Variants in CA13 observed in about 807,000 individuals in gnomAD.
The protein encoded by CA13 is CA-XIII.
A neutral mutation model predicts 31.5 loss-of-function variants in CA13; 21 were observed. The observed-to-expected ratio is 0.67, with a 90% confidence interval of 0.47 to 0.96. The LOEUF is 0.96. CA13 is among the 40% of genes least tolerant of loss of function. The pLI, the probability that CA13 is intolerant of heterozygous loss-of-function variation, is 0.00. For synonymous variants in CA13, 117 were observed against 111.4 expected (o/e 1.05, Z -0.32); for missense variants, 315 against 318.9 (o/e 0.99, Z 0.09).
At chr8:85,275,463 A>G (rs942786619) in intron 6 of CA13, among the ~76,000 whole-genome samples, 4 of 152,156 alleles carry the variant, frequency 2.6e-5, no homozygotes, top group African/African-American at 9.7e-5. Context: ...ATACCTGGCA[A>G]TTGGACACAT....
intron 6 of CA13, among the ~76,000 whole-genome samples, chr8:85,270,774 A>G (rs1807517471): frequency 6.6e-6 from 1 of 152,212 alleles, no homozygotes; most frequent in Non-Finnish European, 1.5e-5. Context: ...TTGGAAGAGA[A>G]TATATCAAAA....
At chr8:85,251,000 TC>T (rs1813817833) in intron 2 of CA13, 63 bp downstream of exon 2, 19 of 830,852 alleles carry the variant, frequency 2.3e-5, no homozygotes, top group South Asian at 3.4e-5. Context: ...TAGACTATAC[TC>T]TTTTTTTTTT....
At chr8:85,267,779 C>T (rs1404021994) in intron 4 of CA13, 123 bp from the exon 5 acceptor site, 1 of 540,304 alleles carries the variant, frequency 1.9e-6, no homozygotes, top group Non-Finnish European at 3.3e-6. Flanking sequence ...GTAGAACAAT[C>T]ACTGTATGTT....
At chr8:85,276,879 C>T (rs1228735339) in intron 6 of CA13, among the ~76,000 whole-genome samples, 1 of 151,820 alleles carries the variant, frequency 6.6e-6, no homozygotes, top group Non-Finnish European at 1.5e-5. Flanking sequence ...AATCGGCACT[C>T]TTTATCTAGC....
chr8:85,249,918 T>C, intron 1 of CA13: 2 of 391,946 alleles, frequency 5.1e-6, no homozygotes, highest in South Asian at 3.7e-5. Context: ...TGTTAGCTGA[T>C]TGGCTCGTTT....
rs556049228 is a variant in CA13 at position 85,258,823 on chromosome 8, G to C, written c.236-598G>C. Among the ~76,000 whole-genome samples, 6 of 140,370 alleles carry C rather than the reference G, an allele frequency of 4.3e-5. No individual in the cohort carries two copies. In the East Asian group the frequency reaches 1.0e-3, roughly 24 times the overall value. The allele number at this position is 140,370 out of a possible 152,430, so 92.1% of individuals were successfully genotyped here. ...GTAGTGGTGCATACCTGTAGTTCTA[G>C]CTACTTGGGAGGCTAAAGTGGGAGG... On this transcript the variant is annotated intron_variant, in intron 2 of 6. Coordinates refer to ENST00000321764, the MANE Select transcript of CA13 (RefSeq NM_198584.3).
intron 6 of CA13, among the ~76,000 whole-genome samples, chr8:85,270,640 A>G (rs765811965): frequency 9.2e-5 from 14 of 152,204 alleles, no homozygotes; most frequent in Non-Finnish European, 1.3e-4. Context: ...AAACTATAAC[A>G]TCAAGGTAGT....
At chr8:85,270,184 A>T (rs1477870376) in intron 6 of CA13, among the ~76,000 whole-genome samples, 1 of 152,174 alleles carries the variant, frequency 6.6e-6, no homozygotes, top group Non-Finnish European at 1.5e-5. Context: ...TAGCAAGAAC[A>T]CAGTCTAGTA....
chr8:85,247,410 T>C (rs1312701963), intron 1 of CA13, among the ~76,000 whole-genome samples: 1 of 152,228 alleles, frequency 6.6e-6, no homozygotes, highest in East Asian at 1.9e-4. Flanking sequence ...TGATTTTGTA[T>C]TTCTGTTAGG....
In CA13 at chr8:85,268,463, A is replaced by T. The variant is rs201141509; in HGVS notation, c.514-9A>T. 6 of 1,613,704 alleles carry T rather than the reference A, an allele frequency of 3.7e-6. No homozygotes were observed. The highest frequency in any genetic ancestry group is 5.1e-6 in the Non-Finnish European group (6 of 1,179,770). On this transcript the variant is annotated splice_polypyrimidine_tract_variant and intron_variant, in intron 5 of 6. Coordinates refer to ENST00000321764, the MANE Select transcript of CA13 (RefSeq NM_198584.3). The stretch of plus-strand genomic sequence containing the variant: ...TTGTAATTTGTGGGAATTCTTTTTG[A>T]TCCTCCAGGGTAAACAAACTCGATT...
chr8:85,263,221 T>C (rs1188567094), intron 3 of CA13, among the ~76,000 whole-genome samples: 1 of 152,094 alleles, frequency 6.6e-6, no homozygotes, highest in African/African-American at 2.4e-5. Context: ...AAGGAAAAGT[T>C]ATGTGCTCTG....
chr8:85,280,363 A>G (rs1807683169), intron 6 of CA13, among the ~76,000 whole-genome samples: 1 of 152,234 alleles, frequency 6.6e-6, no homozygotes, highest in Non-Finnish European at 1.5e-5. Flanking sequence ...CTATTGCCAT[A>G]GAGCATGGTT....
intron 3 of CA13, among the ~76,000 whole-genome samples, chr8:85,264,624 G>GAT (rs902568747): frequency 2.0e-5 from 3 of 151,896 alleles, no homozygotes; most frequent in African/African-American, 4.8e-5. Flanking sequence ...TTATATATAG[G>GAT]ATATATATAT....
chr8:85,275,213 C>T (rs1807585341), intron 6 of CA13, among the ~76,000 whole-genome samples: 1 of 152,102 alleles, frequency 6.6e-6, no homozygotes, highest in Non-Finnish European at 1.5e-5. Context: ...TAATTTTGGC[C>T]ACCCCTCTGC....
intron 6 of CA13, among the ~76,000 whole-genome samples, chr8:85,277,796 T>C (rs2130012558): frequency 6.6e-6 from 1 of 152,180 alleles, no homozygotes; most frequent in South Asian, 2.1e-4. Flanking sequence ...ACAGGAAGTG[T>C]CCCAGTCTGA....
At chr8:85,264,770 T>C (rs1189409338) in intron 3 of CA13, among the ~76,000 whole-genome samples, 1 of 152,222 alleles carries the variant, frequency 6.6e-6, no homozygotes, top group Non-Finnish European at 1.5e-5. Context: ...ACAGAGCCAC[T>C]TAAAACAATT....
chr8:85,248,718 CTTTTA>C (rs1813774104), intron 1 of CA13, among the ~76,000 whole-genome samples: 1 of 152,064 alleles, frequency 6.6e-6, no homozygotes, highest in Non-Finnish European at 1.5e-5. Context: ...ACAATTATTA[CTTTTA>C]TTTTATTTTG....
chr8:85,253,923 C>G (rs964842078), intron 2 of CA13, among the ~76,000 whole-genome samples: 30 of 152,232 alleles, frequency 2.0e-4, no homozygotes, highest in Non-Finnish European at 4.0e-4. Flanking sequence ...TAGTTTGTTA[C>G]TGTTTACAAT....
rs768417692 is a variant in CA13, at chr8:85,245,828, C to G, written c.-1C>G. 2.5e-6 allele frequency: 4 copies of G among 1,614,146 alleles called. No individual in the cohort carries two copies. Among genetic ancestry groups the G allele is most frequent in the Non-Finnish European group, 3.4e-6 (4 of 1,179,964 alleles). ...TTCTCTTCCTTCCACCCCGAGGGAC[C>G]ATGTCGAGGCTCAGCTGGGGATACC... On this transcript the variant is annotated 5_prime_UTR_variant, in exon 1 of 7. Coordinates refer to ENST00000321764, the MANE Select transcript of CA13 (RefSeq NM_198584.3).
Sources: allele counts gnomAD v4.1 joint callset (sites outside exome capture counted in the v4.1 genomes callset), GRCh38; gene constraint gnomAD v4.1.1; transcripts MANE v1.5; gene names NCBI Gene and HGNC (gene_info 2026-07-23, HGNC 2026-07-21).